The following MET variants were observed in gnomAD, a reference collection of about 807,000 sequenced individuals.
MET encodes the protein MET proto-oncogene, receptor tyrosine kinase, also known as hepatocyte growth factor receptor.
A neutral mutation model predicts 133.1 loss-of-function variants in MET; 48 were observed. The ratio of observed to expected loss-of-function variants is 0.36; its 90% confidence interval spans 0.29 to 0.46. MET has a LOEUF of 0.46. Ranked by LOEUF, MET falls within the 20% of genes least tolerant of loss-of-function variation. The pLI, the probability that MET is intolerant of heterozygous loss-of-function variation, is 1.00. For synonymous variants in MET, 628 were observed against 616.5 expected, an observed-to-expected ratio of 1.02 and a Z score of -0.28; for missense variants, 1,442 against 1,695.9, an observed-to-expected ratio of 0.85 and a Z score of 2.63.
chr7:116,727,961 T>C (rs1399350541), intron 2 of MET, among the ~76,000 whole-genome samples: 1 of 152,196 alleles, frequency 6.6e-6, no homozygotes, highest in Non-Finnish European at 1.5e-5. Flanking sequence ...CTGTTAGGGC[T>C]CAAAGACAGG....
At chr7:116,724,821 A>C in intron 2 of MET, 1 of 1,289,236 alleles carries the variant, frequency 7.8e-7, no homozygotes, top group Non-Finnish European at 1.0e-6. Context: ...CAGAGAGCCT[A>C]GGCTTAGTCC....
chr7:116,767,741 A>C (rs1263428214), intron 11 of MET, among the ~76,000 whole-genome samples: 2 of 151,362 alleles, frequency 1.3e-5, no homozygotes, highest in Non-Finnish European at 2.9e-5. Flanking sequence ...ATTTAATAAT[A>C]GTTAATATTC....
chr7:116,792,456 GACACACACACACACACACACACAC>G (rs56212730), intron 19 of MET, among the ~76,000 whole-genome samples: 1 of 80,710 alleles, frequency 1.2e-5, no homozygotes, highest in East Asian at 3.9e-4. Flanking sequence ...TCAACCGACA[GACACACACACACACACACACACAC>G]ACACACACAC....
intron 7 of MET, 24 bp downstream of exon 7, chr7:116,757,563 T>G (rs772423139): frequency 1.9e-6 from 3 of 1,612,770 alleles, no homozygotes; most frequent in Non-Finnish European, 2.5e-6. Flanking sequence ...TATCCTATCA[T>G]GTTTGATTTT....
intron 2 of MET, among the ~76,000 whole-genome samples, chr7:116,720,062 T>A (rs1172396460): frequency 6.6e-6 from 1 of 152,260 alleles, no homozygotes; most frequent in African/African-American, 2.4e-5. Context: ...TGGCATTGAA[T>A]CTATAAATTA....
chr7:116,714,267 T>C (rs1792109740), intron 2 of MET, among the ~76,000 whole-genome samples: 1 of 152,258 alleles, frequency 6.6e-6, no homozygotes, highest in African/African-American at 2.4e-5. Flanking sequence ...TTCTTTTGAA[T>C]TGTGGTGGTA....
intron 15 of MET, among the ~76,000 whole-genome samples, chr7:116,776,303 A>G (rs1208908752): frequency 3.3e-5 from 5 of 152,200 alleles, no homozygotes; most frequent in Non-Finnish European, 7.3e-5. Flanking sequence ...TTCTTCCCCA[A>G]GAGTGGCTTC....
chr7:116,690,707 A>C (rs1420851997), intron 1 of MET, among the ~76,000 whole-genome samples: 2 of 152,194 alleles, frequency 1.3e-5, no homozygotes, highest in African/African-American at 4.8e-5. Context: ...AGCCCAGTGG[A>C]TCTATCCACT....
chr7:116,785,718 TAA>T (rs1429613195), intron 19 of MET, among the ~76,000 whole-genome samples: 1 of 151,976 alleles, frequency 6.6e-6, no homozygotes, highest in African/African-American at 2.4e-5. Flanking sequence ...GAACTTGAAA[TAA>T]GACACAATGA....
Position 116,769,678 on chromosome 7 carries a change from G to C in MET, c.2617G>C (p.Glu873Gln), listed in dbSNP as rs2116982958. Residue 873 changes from glutamate (E) to glutamine (Q), a missense_variant, in exon 12 of 21, where the codon GAA becomes CAA. Glu to Gln is a conservative substitution (Grantham distance 29). Coordinates refer to ENST00000397752, the MANE Select transcript of MET (RefSeq NM_000245.4). The part of the protein sequence containing the change: ...NDIDPEAVKG[E>Q]VLKVGNKSCE... ...TATTGACCCTGAAGCAGTTAAAGGT[G>C]AAGTGTTAAAAGTTGGAAATAAGAG... 6.2e-7 allele frequency: 1 copy of C among 1,612,352 alleles called. No homozygotes were observed.
chr7:116,709,558 T>A (rs187598219), intron 2 of MET, among the ~76,000 whole-genome samples: 101 of 152,288 alleles, frequency 6.6e-4, no homozygotes, highest in African/African-American at 2.2e-3. Flanking sequence ...TCATTTTTTT[T>A]ATTTTTGCTT....
intron 11 of MET, among the ~76,000 whole-genome samples, chr7:116,768,902 T>A (rs2116978894): frequency 6.6e-6 from 1 of 152,224 alleles, no homozygotes; most frequent in East Asian, 1.9e-4. Context: ...GATGGTAACT[T>A]CAGTTAACTA....
intron 19 of MET, among the ~76,000 whole-genome samples, chr7:116,784,216 A>C (rs1355990511): frequency 6.6e-6 from 1 of 152,236 alleles, no homozygotes; most frequent in African/African-American, 2.4e-5. Flanking sequence ...CAGAGAGGGA[A>C]GTTATGAGAA....
chr7:116,743,553 C>A (rs925290877), intron 5 of MET, among the ~76,000 whole-genome samples: 3 of 152,202 alleles, frequency 2.0e-5, no homozygotes, highest in African/African-American at 7.2e-5. Flanking sequence ...GAGGGGTGTC[C>A]ACCATTACTG....
intron 3 of MET, among the ~76,000 whole-genome samples, chr7:116,738,089 A>G (rs542210593): frequency 6.6e-6 from 1 of 152,340 alleles, no homozygotes; most frequent in South Asian, 2.1e-4. Context: ...TGAGCTGGAA[A>G]ACAAAGTCAG....
In MET at chr7:116,740,781, G is replaced by GTACT. The variant is rs1461990383; in HGVS notation, c.1528-65_1528-62dup. 9.0e-6 allele frequency: 14 copies of GTACT among 1,564,060 alleles called. No homozygotes were observed. In the Admixed American group the frequency reaches 2.2e-4, roughly 24 times the overall value. ...AATGATATTTACATGTACCTTTTGTGTACTTACTTTATAATTAATTAACAA... is the reference window on the plus strand; with the variant it reads ...AATGATATTTACATGTACCTTTTGTGTACTTACTTACTTTATAATTAATTAACAA... On this transcript the variant is annotated intron_variant, in intron 4 of 20. Coordinates refer to ENST00000397752, the MANE Select transcript of MET (RefSeq NM_000245.4).
chr7:116,723,525 G>A (rs1451071290), intron 2 of MET, among the ~76,000 whole-genome samples: 1 of 152,224 alleles, frequency 6.6e-6, no homozygotes, highest in African/African-American at 2.4e-5. Context: ...TTGCTGGTGA[G>A]GAACTGCGTT....
At chr7:116,716,529 GAAA>G (rs1792244718) in intron 2 of MET, among the ~76,000 whole-genome samples, 1 of 142,812 alleles carries the variant, frequency 7.0e-6, no homozygotes, top group Non-Finnish European at 1.5e-5. Context: ...AAGAAAGAAA[GAAA>G]GAAAGAAGAT....
Position 116,741,021 on chromosome 7 carries a change from A to G in MET, c.1697A>G (p.Tyr566Cys), listed in dbSNP as rs1445578353. The change falls in exon 5 of 21, where the codon TAC becomes TGC. Residue 566 changes from tyrosine to cysteine, a missense_variant. Around this residue, in one of 6 missense-constraint regions of MET, gnomAD observed 762 missense variants for 792.4 expected, o/e 0.96. Transcript: ENST00000397752. ...WTQQICLPAI[Y>C]KVFPNSAPLE... The stretch of plus-strand genomic sequence containing the variant: ...CAACAGATCTGTCTGCCTGCAATCT[A>G]CAAGGTAGGAATCTCTAACAGCTGG... 20 of 1,612,654 alleles carry G rather than the reference A, an allele frequency of 1.2e-5. No homozygotes were observed. Among genetic ancestry groups the G allele is most frequent in the Non-Finnish European group, 1.5e-5 (18 of 1,179,858 alleles).
Sources: gnomAD v4.1 joint callset for allele counts (sites outside exome capture counted in the v4.1 genomes callset) on GRCh38, gnomAD v4.1.1 for gene constraint, gnomAD v4.1.1 regional missense constraint, MANE v1.5 for transcripts, NCBI Gene and HGNC (gene_info 2026-07-23, HGNC 2026-07-21) for gene names.